The following SNTG1 variants were observed in gnomAD, a reference collection of about 807,000 sequenced individuals.
SNTG1 encodes syntrophin gamma 1, also known as gamma-1-syntrophin.
A neutral mutation model predicts 74.7 loss-of-function variants in SNTG1; 39 were observed. That is an observed-to-expected ratio of 0.52 (90% confidence interval 0.40 to 0.68). The LOEUF (loss-of-function observed/expected upper bound fraction) is 0.68, where lower values mean the gene tolerates loss of function less well. Ranked by LOEUF, SNTG1 falls within the 30% of genes least tolerant of loss-of-function variation. The pLI is 0.00. For missense variants in SNTG1, 685 were observed against 609.5 expected, an observed-to-expected ratio of 1.12 and a Z score of -1.30; for synonymous variants, 254 against 217.1, an observed-to-expected ratio of 1.17 and a Z score of -1.49.
chr8:50,647,620 A>C (rs1231583090), intron 13 of SNTG1, among the ~76,000 whole-genome samples: 1 of 152,144 alleles, frequency 6.6e-6, no homozygotes, highest in Non-Finnish European at 1.5e-5. Flanking sequence ...TTAAAAAAGA[A>C]ATTCTATTGA....
intron 2 of SNTG1, among the ~76,000 whole-genome samples, chr8:50,389,857 T>A (rs556912685): frequency 6.6e-6 from 1 of 152,268 alleles, no homozygotes; most frequent in African/African-American, 2.4e-5. Flanking sequence ...TTTTTTCATG[T>A]GCCTTTTGGC....
chr8:50,718,840 T>G (rs66730072), intron 17 of SNTG1, among the ~76,000 whole-genome samples: 51,065 of 152,088 alleles, frequency 0.34, 11,140 homozygotes, highest in African/African-American at 0.62. Flanking sequence ...TATTAATTTG[T>G]CAGTTATTTT....
chr8:50,251,687 T>C (rs962924660), intron 2 of SNTG1, among the ~76,000 whole-genome samples: 4 of 152,006 alleles, frequency 2.6e-5, no homozygotes, highest in African/African-American at 9.7e-5. Flanking sequence ...CAATTATGAA[T>C]ATGTATGCAC....
At chr8:50,228,023 ATAT>A (rs2132040468) in intron 2 of SNTG1, among the ~76,000 whole-genome samples, 1 of 151,766 alleles carries the variant, frequency 6.6e-6, no homozygotes, top group African/African-American at 2.4e-5. Flanking sequence ...ACAGATTTTG[ATAT>A]TATCAAATGG....
intron 17 of SNTG1, among the ~76,000 whole-genome samples, chr8:50,714,782 C>T (rs1019270217): frequency 1.3e-5 from 2 of 151,974 alleles, no homozygotes; most frequent in South Asian, 4.1e-4. Flanking sequence ...CCAGCACAGG[C>T]TCAACCACAA....
intron 17 of SNTG1, among the ~76,000 whole-genome samples, chr8:50,720,853 A>C (rs1271288152): frequency 1.3e-5 from 2 of 152,178 alleles, no homozygotes; most frequent in African/African-American, 4.8e-5. Flanking sequence ...TCGTTCTTTC[A>C]AATGTTGTTG....
chr8:50,424,378 C>T (rs2093135726), intron 4 of SNTG1, among the ~76,000 whole-genome samples: 1 of 152,158 alleles, frequency 6.6e-6, no homozygotes. Flanking sequence ...TTTGGAAGCT[C>T]CTCAGCATCT....
chr8:50,080,618 A>G (rs1365202514), intron 1 of SNTG1, among the ~76,000 whole-genome samples: 2 of 151,954 alleles, frequency 1.3e-5, no homozygotes, highest in African/African-American at 4.8e-5. Flanking sequence ...ATTTTGAGTT[A>G]TTTTATTAGT....
At chr8:50,631,992 T>C (rs1048088135) in intron 13 of SNTG1, among the ~76,000 whole-genome samples, 2 of 152,184 alleles carry the variant, frequency 1.3e-5, no homozygotes, top group African/African-American at 2.4e-5. Flanking sequence ...TCAGAGTATA[T>C]GACTATGTTA....
Position 50,196,161 on chromosome 8 carries a change from G to A in SNTG1, c.-28+23526G>A, listed in dbSNP as rs368043522. On this transcript the variant is annotated intron_variant, in intron 2 of 18. Transcript: ENST00000642720. ...AAATCACTGTTGTATAAAGTCTAATGATTCTCTATCTGAGTTGACCAGTAT... is the reference window on the plus strand; with the variant it reads ...AAATCACTGTTGTATAAAGTCTAATAATTCTCTATCTGAGTTGACCAGTAT... Among the ~76,000 whole-genome samples the A allele has an allele frequency of 3.9e-5, 6 of 152,242 alleles. No individual in the cohort carries two copies. The East Asian group carries it at 9.7e-4, about 25-fold the overall frequency.
intron 12 of SNTG1, among the ~76,000 whole-genome samples, chr8:50,568,182 G>A (rs138289544): frequency 1.2e-4 from 18 of 150,874 alleles, no homozygotes; most frequent in African/African-American, 4.4e-4. Context: ...CAAATGTCAG[G>A]ATTTCATTAT....
At chr8:50,777,296 TC>T (rs1370316504) in intron 18 of SNTG1, among the ~76,000 whole-genome samples, 2 of 148,672 alleles carry the variant, frequency 1.3e-5, no homozygotes, top group African/African-American at 2.4e-5. Flanking sequence ...GAATAGTCTT[TC>T]CTTTTTTCAA....
chr8:50,142,612 G>T (rs1318133054), intron 1 of SNTG1, among the ~76,000 whole-genome samples: 2 of 152,040 alleles, frequency 1.3e-5, no homozygotes, highest in East Asian at 3.9e-4. Flanking sequence ...TATTCAGGAA[G>T]AGATAAGGTT....
At chr8:50,488,922 C>T (rs553869681) in intron 8 of SNTG1, among the ~76,000 whole-genome samples, 6 of 152,214 alleles carry the variant, frequency 3.9e-5, no homozygotes, top group Non-Finnish European at 7.4e-5. Context: ...TGCTATCCCT[C>T]CCATAGCCCC....
At chr8:50,331,291 G>A (rs1222483595) in intron 2 of SNTG1, among the ~76,000 whole-genome samples, 1 of 152,116 alleles carries the variant, frequency 6.6e-6, no homozygotes, top group East Asian at 1.9e-4. Flanking sequence ...ACCCTCTAAA[G>A]TAAAGTGAAG....
chr8:50,774,918 A>G (rs1262650335), intron 18 of SNTG1, among the ~76,000 whole-genome samples: 1 of 151,082 alleles, frequency 6.6e-6, no homozygotes, highest in Non-Finnish European at 1.5e-5. Flanking sequence ...CCTCCAAATA[A>G]CTAATAAAAT....
intron 15 of SNTG1, among the ~76,000 whole-genome samples, chr8:50,675,507 T>C (rs1444290437): frequency 1.3e-5 from 2 of 152,064 alleles, no homozygotes; most frequent in African/African-American, 4.8e-5. Context: ...TTCCATCTCC[T>C]TGGTAAATTT....
chr8:50,102,226 T>C (rs12546716), intron 1 of SNTG1, among the ~76,000 whole-genome samples: 32,565 of 144,756 alleles, frequency 0.22, 3,534 homozygotes, highest in South Asian at 0.36. Context: ...ACCTGTTGTT[T>C]CCTGACTTTT....
intron 2 of SNTG1, among the ~76,000 whole-genome samples, chr8:50,318,084 C>T (rs1485609394): frequency 1.3e-5 from 2 of 152,138 alleles, no homozygotes; most frequent in Non-Finnish European, 2.9e-5. Context: ...GATCCGCCCG[C>T]CTTGACCTCC....
Sources: allele counts gnomAD v4.1 joint callset (sites outside exome capture counted in the v4.1 genomes callset), GRCh38; gene constraint gnomAD v4.1.1; transcripts MANE v1.5; gene names NCBI Gene and HGNC (gene_info 2026-07-23, HGNC 2026-07-21).